Variants in EIF1AX observed in about 807,000 individuals in gnomAD.
The protein encoded by EIF1AX is eukaryotic translation initiation factor 1A X-linked, also known as eukaryotic translation initiation factor 1A, X-chromosomal.
In EIF1AX, 1 loss-of-function variant was observed where a neutral mutation model predicts 16.1. That is an observed-to-expected ratio of 0.06 (90% CI 0.02 to 0.30). EIF1AX has a LOEUF of 0.30. EIF1AX is among the 10% of genes least tolerant of loss of function. The probability of loss-of-function intolerance (pLI) is 1.00; values close to 1 mark genes in which losing one functional copy is unlikely to be tolerated. For synonymous variants in EIF1AX, 32 were observed against 37.3 expected, an observed-to-expected ratio of 0.86 and a Z score of 0.51; for missense variants, 11 against 109.1, an observed-to-expected ratio of 0.10 and a Z score of 4.00.
intron 3 of EIF1AX, 121 bp from the exon 4 acceptor site, chrX:20,134,128 T>C (rs924676829): frequency 3.4e-5 from 26 of 761,895 alleles, no homozygotes; most frequent in Non-Finnish European, 4.4e-5. Context: ...GGCTCATGCC[T>C]GTAATCCCAG....
At chrX:20,137,842 A>G (rs866559971) in intron 2 of EIF1AX, among the ~76,000 whole-genome samples, 1 of 110,657 alleles carries the variant, frequency 9.0e-6, no homozygotes, top group Non-Finnish European at 1.9e-5. Flanking sequence ...TGCCAACTAA[A>G]TCACAGAACT....
Position 20,128,038 on chromosome X carries a change from G to T in EIF1AX, c.*268C>A, listed in dbSNP as rs1475692708. 18 of 209,236 alleles carry T rather than the reference G, an allele frequency of 8.6e-5. No individual in the cohort carries two copies. The highest frequency in any genetic ancestry group is 2.9e-4 in the African/African-American group (8 of 27,287). 17.2% of individuals were successfully genotyped at this position (209,236 alleles called of 1,213,427 possible). A position where few individuals can be genotyped will look rare whatever the true frequency, so the allele number is the denominator to read the frequency against. ...GTGGTAGGAAAAGCAGCAATGCATG[G>T]TTTTTTTTTTTTTTTGTAATTAGTA... On this transcript the variant is annotated 3_prime_UTR_variant, in exon 7 of 7. Coordinates refer to ENST00000379607, the MANE Select transcript of EIF1AX (RefSeq NM_001412.4).
intron 1 of EIF1AX, chrX:20,140,148 G>A (rs374384020): frequency 1.8e-5 from 2 of 112,304 alleles, no homozygotes; most frequent in African/African-American, 6.5e-5. Context: ...CATGAGGCTA[G>A]GGAACTAGAT....
chrX:20,137,158 T>C (rs1342981805), intron 2 of EIF1AX, among the ~76,000 whole-genome samples: 1 of 111,867 alleles, frequency 8.9e-6, no homozygotes, highest in African/African-American at 3.3e-5. Context: ...AAATCCTACA[T>C]ATGGGGCTAG....
At chrX:20,135,103 T>TA (rs1042744604) in intron 3 of EIF1AX, among the ~76,000 whole-genome samples, 4 of 67,449 alleles carry the variant, frequency 5.9e-5, no homozygotes, top group Non-Finnish European at 1.1e-4. Context: ...ACCCCAGCTT[T>TA]TTTTTTTTTT....
chrX:20,138,245 C>T (rs899597562), intron 2 of EIF1AX, among the ~76,000 whole-genome samples: 7 of 109,299 alleles, frequency 6.4e-5, no homozygotes, highest in Middle Eastern at 4.2e-3. Context: ...CCTCGTGATC[C>T]GCCCGCCTTG....
chrX:20,127,821 T>G lies in EIF1AX; in HGVS notation c.*485A>C, dbSNP rs1329967776. The G allele has an allele frequency of 3.4e-5, 5 of 147,618 alleles. No homozygotes were observed. Among genetic ancestry groups the G allele is most frequent in the Non-Finnish European group, 6.3e-5 (5 of 79,286 alleles). The allele number at this position is 147,618 out of a possible 1,213,427, so 12.2% of individuals were successfully genotyped here. On this transcript the variant is annotated 3_prime_UTR_variant, in exon 7 of 7. Transcript: ENST00000379607. The stretch of plus-strand genomic sequence containing the variant: ...AAAATAGCCACAGGCTACTTAAATA[T>G]GACAAACAGACTTATTTTTTTTCTT...
At chrX:20,134,051 G>C in intron 3 of EIF1AX, 44 bp from the exon 4 acceptor site, 1 of 1,126,126 alleles carries the variant, frequency 8.9e-7, no homozygotes. Flanking sequence ...AAATAACGAA[G>C]AATCAAGAAA....
intron 1 of EIF1AX, chrX:20,140,445 G>A (rs1477457871): frequency 8.9e-6 from 1 of 112,208 alleles, no homozygotes; most frequent in Non-Finnish European, 1.9e-5. Flanking sequence ...TTATACAGAA[G>A]AAAACTGTAA....
chrX:20,135,137 T>G (rs2067012652), intron 3 of EIF1AX, among the ~76,000 whole-genome samples: 1 of 98,270 alleles, frequency 1.0e-5, no homozygotes, highest in African/African-American at 3.9e-5. Flanking sequence ...TTCATGACAG[T>G]AACATTGCAT....
At position 20,125,050 on chromosome X, in the gene EIF1AX, G is replaced by T; in HGVS notation, c.*3256C>A. ...ATCAATCCTCCCAACAATTCTGCAT[G>T]ACAGGTACTGTTTTCATCATCCCCA... On this transcript the variant is annotated 3_prime_UTR_variant, in exon 7 of 7. Transcript: ENST00000379607. 6.9e-6 allele frequency: 1 copy of T among 145,779 alleles called. No individual in the cohort carries two copies. Among genetic ancestry groups the T allele is most frequent in the South Asian group, 3.2e-4 (1 of 3,131 alleles). 12.0% of individuals were successfully genotyped at this position (145,779 alleles called of 1,213,427 possible). A position where few individuals can be genotyped will look rare whatever the true frequency, so the allele number is the denominator to read the frequency against.
intron 2 of EIF1AX, 26 bp from the exon 3 acceptor site, chrX:20,135,867 T>C (rs764897427): frequency 4.7e-6 from 5 of 1,073,254 alleles, no homozygotes; most frequent in African/African-American, 1.8e-5. Context: ...GAAAAGGGTA[T>C]GGAATATTGT....
intron 6 of EIF1AX, among the ~76,000 whole-genome samples, chrX:20,129,004 C>T (rs1331155829): frequency 9.1e-6 from 1 of 109,848 alleles, no homozygotes; most frequent in Non-Finnish European, 1.9e-5. Flanking sequence ...GGCGCTTAAT[C>T]CACATGTCAG....
At position 20,138,629 on chromosome X, in the gene EIF1AX, GT is replaced by G. The variant is rs1271493928; in HGVS notation, c.17-8del. 1.8e-6 allele frequency: 2 copies of G among 1,127,746 alleles called. No individual in the cohort carries two copies. The highest frequency in any genetic ancestry group is 3.1e-5 in the East Asian group (1 of 32,763). The allele number at this position is 1,127,746 out of a possible 1,213,427, so 92.9% of individuals were successfully genotyped here. A position where few individuals can be genotyped will look rare whatever the true frequency, so the allele number is the denominator to read the frequency against. On this transcript the variant is annotated splice_region_variant and splice_polypyrimidine_tract_variant and intron_variant, in intron 1 of 6. Transcript: ENST00000379607. ...CTGTTTTTACCTCCTTTACCTGATG[GT>G]TTAAAAAAAAGAAAAGGAGGTAAAT...
At chrX:20,136,605 G>C (rs1192768323) in intron 2 of EIF1AX, among the ~76,000 whole-genome samples, 2 of 111,991 alleles carry the variant, frequency 1.8e-5, no homozygotes, top group Non-Finnish European at 3.8e-5. Flanking sequence ...TGTTGAATTA[G>C]AATATGACTA....
In EIF1AX at chrX:20,132,279, A is replaced by G. The variant is rs936361038; in HGVS notation, c.256-16T>C. ...CTTTGTTATCCTTAAATAGAGACAA[A>G]TAACTTTAAAAAACTGATCATAACA... On this transcript the variant is annotated splice_polypyrimidine_tract_variant and intron_variant, in intron 4 of 6. Transcript: ENST00000379607. 2.8e-6 allele frequency: 3 copies of G among 1,077,895 alleles called. No individual in the cohort carries two copies. Among genetic ancestry groups the G allele is most frequent in the Non-Finnish European group, 2.5e-6 (2 of 785,554 alleles). 88.8% of individuals were successfully genotyped at this position (1,077,895 alleles called of 1,213,427 possible). A position where few individuals can be genotyped will look rare whatever the true frequency, so the allele number is the denominator to read the frequency against.
At chrX:20,138,728 A>G in intron 1 of EIF1AX, 106 bp from the exon 2 acceptor site, 1 of 542,716 alleles carries the variant, frequency 1.8e-6, no homozygotes, top group Non-Finnish European at 2.9e-6. Flanking sequence ...TTAAAAGATC[A>G]CTTAAATTAA....
Position 20,127,963 on chromosome X carries a change from G to A in EIF1AX, c.*343C>T, listed in dbSNP as rs1415060600. On this transcript the variant is annotated 3_prime_UTR_variant, in exon 7 of 7. Transcript: ENST00000379607. ...AGAGGCCAGGGCTTAATCAGATTCC[G>A]TGAGGACAAGGCAAATGATTTCTTC... is the stretch of plus-strand genomic sequence containing the variant. 2.6e-5 allele frequency: 5 copies of A among 189,306 alleles called. No individual in the cohort carries two copies. The highest frequency in any genetic ancestry group is 2.1e-4 in the South Asian group (1 of 4,845). 15.6% of individuals were successfully genotyped at this position (189,306 alleles called of 1,213,427 possible). A position where few individuals can be genotyped will look rare whatever the true frequency, so the allele number is the denominator to read the frequency against.
In EIF1AX at chrX:20,126,287, G is replaced by A. The variant is rs1043014; in HGVS notation, c.*2019C>T. 0.28 allele frequency: 36,201 copies of A among 130,274 alleles called. 7,818 individuals carry two copies. Among genetic ancestry groups the A allele is most frequent in the African/African-American group, 0.74 (19,402 of 26,357 alleles). 10.7% of individuals were successfully genotyped at this position (130,274 alleles called of 1,213,427 possible). On this transcript the variant is annotated 3_prime_UTR_variant, in exon 7 of 7. Transcript: ENST00000379607. ...TTTCCACATTAAATACAAATTAGTA[G>A]AAGAATTCCTCCAAGTAGTATTGCA...
Sources: gnomAD v4.1 joint callset for allele counts (sites outside exome capture counted in the v4.1 genomes callset) on GRCh38, gnomAD v4.1.1 for gene constraint, MANE v1.5 for transcripts, NCBI Gene and HGNC (gene_info 2026-07-23, HGNC 2026-07-21) for gene names.